CRY2: variants seen among roughly 807,000 people sequenced by gnomAD.
The protein encoded by CRY2 is cryptochrome circadian regulator 2.
A neutral mutation model predicts 69.5 loss-of-function variants in CRY2; 31 were observed. The observed-to-expected ratio is 0.45, with a 90% CI of 0.34 to 0.60. The LOEUF (loss-of-function observed/expected upper bound fraction) is 0.60. CRY2 is among the 20% of genes least tolerant of loss of function. The pLI is 0.02. For missense variants in CRY2, 606 were observed against 797.8 expected (o/e 0.76, Z 2.90); for synonymous variants, 303 against 312.2 (o/e 0.97, Z 0.31).
rs906200816 is a variant in CRY2, at chr11:45,882,768, T to C, written c.*1857T>C. ...AAACCTGGAAGGGCAAATCTGAGAGTGGGAAGGCCAAAGGCCGAGGCCCAG... is the reference window on the plus strand; with the variant it reads ...AAACCTGGAAGGGCAAATCTGAGAGCGGGAAGGCCAAAGGCCGAGGCCCAG... On this transcript the variant is annotated 3_prime_UTR_variant, in exon 12 of 12. Coordinates refer to ENST00000616080, the MANE Select transcript of CRY2 (RefSeq NM_021117.5). 1.8e-5 allele frequency: 7 copies of C among 398,340 alleles called. No homozygotes were observed. The highest frequency in any genetic ancestry group is 1.2e-4 in the African/African-American group (6 of 48,574). 24.7% of individuals were successfully genotyped at this position (398,340 alleles called of 1,614,324 possible). A position where few individuals can be genotyped will look rare whatever the true frequency, so the allele number is the denominator to read the frequency against.
intron 1 of CRY2, among the ~76,000 whole-genome samples, chr11:45,848,002 C>T (rs1429177311): frequency 6.6e-6 from 1 of 152,150 alleles, no homozygotes; most frequent in African/African-American, 2.4e-5. Flanking sequence ...GTCGACCTGC[C>T]CAAGGACTTG....
chr11:45,882,754 G>A lies in CRY2; in HGVS notation c.*1843G>A, dbSNP rs562073480. ...AAAGAGAGTCAAGCAAACCTGGAAG[G>A]GCAAATCTGAGAGTGGGAAGGCCAA... On this transcript the variant is annotated 3_prime_UTR_variant, in exon 12 of 12. Coordinates refer to ENST00000616080, the MANE Select transcript of CRY2 (RefSeq NM_021117.5). 7 of 398,720 alleles carry A rather than the reference G, an allele frequency of 1.8e-5. No individual in the cohort carries two copies. The South Asian group carries it at 8.9e-4, about 51-fold the overall frequency. 24.7% of individuals were successfully genotyped at this position (398,720 alleles called of 1,614,324 possible).
chr11:45,855,874 A>C, intron 1 of CRY2, 108 bp from the exon 2 acceptor site: 1 of 936,504 alleles, frequency 1.1e-6, no homozygotes, highest in Non-Finnish European at 1.7e-6. Flanking sequence ...AGTGATCATG[A>C]GGCTGCCTGT....
intron 4 of CRY2, 76 bp downstream of exon 4, chr11:45,861,108 A>C: frequency 6.8e-7 from 1 of 1,461,494 alleles, no homozygotes; most frequent in East Asian, 2.4e-5. Flanking sequence ...AAAGTAATGC[A>C]TGTCATTATA....
chr11:45,863,957 T>A (rs1327070720), intron 5 of CRY2, among the ~76,000 whole-genome samples: 2 of 152,178 alleles, frequency 1.3e-5, no homozygotes, highest in Non-Finnish European at 2.9e-5. Flanking sequence ...TCTATAAAAG[T>A]ATTCTGATTA....
At chr11:45,849,557 G>A (rs2086178476) in intron 1 of CRY2, among the ~76,000 whole-genome samples, 1 of 152,038 alleles carries the variant, frequency 6.6e-6, no homozygotes, top group Non-Finnish European at 1.5e-5. Context: ...CTCAATCTTG[G>A]CTGCTGTGCA....
intron 11 of CRY2, among the ~76,000 whole-genome samples, chr11:45,872,988 T>A (rs1181068654): frequency 6.6e-6 from 1 of 152,212 alleles, no homozygotes; most frequent in South Asian, 2.1e-4. Context: ...AGACCCAGTC[T>A]GTCATCATCT....
At chr11:45,872,069 C>G in intron 10 of CRY2, 23 bp from the exon 11 acceptor site, 1 of 1,613,332 alleles carries the variant, frequency 6.2e-7, no homozygotes, top group Non-Finnish European at 8.5e-7. Flanking sequence ...GTCTGTGTGA[C>G]CCTTTGACAC....
Position 45,872,242 on chromosome 11 carries a change from C to A in CRY2, c.*2+9C>A. 6.2e-7 allele frequency: 1 copy of A among 1,613,142 alleles called. No individual in the cohort carries two copies. The highest frequency in any genetic ancestry group is 8.5e-7 in the Non-Finnish European group (1 of 1,179,330). ...AGCAAGGATGCCTGAGAGTGAGTGA[C>A]AGCAGCCTAGATTCAACCTCAGGAA... is the stretch of plus-strand genomic sequence containing the variant. On this transcript the variant is annotated intron_variant, in intron 11 of 11. Coordinates refer to ENST00000616080, the MANE Select transcript of CRY2 (RefSeq NM_021117.5).
chr11:45,848,622 C>T (rs2086170989), intron 1 of CRY2, among the ~76,000 whole-genome samples: 1 of 152,206 alleles, frequency 6.6e-6, no homozygotes, highest in Non-Finnish European at 1.5e-5. Context: ...TGTATTTTCA[C>T]TGTAAACAGT....
At chr11:45,853,458 A>G (rs920744081) in intron 1 of CRY2, among the ~76,000 whole-genome samples, 5 of 152,326 alleles carry the variant, frequency 3.3e-5, no homozygotes, top group African/African-American at 1.2e-4. Flanking sequence ...CTCTCCTTTT[A>G]GTAAATGAGG....
At chr11:45,876,814 G>C (rs1010953417) in intron 11 of CRY2, among the ~76,000 whole-genome samples, 3 of 152,294 alleles carry the variant, frequency 2.0e-5, no homozygotes, top group East Asian at 1.9e-4. Context: ...CTAGCAATTG[G>C]TAAAATGCTA....
intron 2 of CRY2, 102 bp from the exon 3 acceptor site, chr11:45,858,629 G>A: frequency 7.9e-7 from 1 of 1,264,672 alleles, no homozygotes; most frequent in Non-Finnish European, 1.1e-6. Flanking sequence ...CATCAGATAG[G>A]TCTCTAGACT....
chr11:45,853,726 G>A (rs1264530335), intron 1 of CRY2, among the ~76,000 whole-genome samples: 1 of 152,212 alleles, frequency 6.6e-6, no homozygotes, highest in East Asian at 1.9e-4. Flanking sequence ...GGTTTCAGAT[G>A]GCATGAGACC....
chr11:45,851,032 T>C (rs1484120347), intron 1 of CRY2, among the ~76,000 whole-genome samples: 2 of 149,614 alleles, frequency 1.3e-5, no homozygotes. Context: ...CTCAGGACTT[T>C]TTTTTTTTTT....
chr11:45,865,708 G>A (rs575395077), intron 5 of CRY2, among the ~76,000 whole-genome samples: 8 of 151,450 alleles, frequency 5.3e-5, no homozygotes, highest in Middle Eastern at 3.4e-3. Flanking sequence ...ACAGTGAGCC[G>A]AGATCACACC....
Position 45,861,045 on chromosome 11 carries a change from T to C in CRY2, c.652+13T>C. 1 of 1,603,460 alleles carries C rather than the reference T, an allele frequency of 6.2e-7. No homozygotes were observed. On this transcript the variant is annotated intron_variant, in intron 4 of 11. Coordinates refer to ENST00000616080, the MANE Select transcript of CRY2 (RefSeq NM_021117.5). ...CTGGAGGAGCTGGGTGCGTACTTCC[T>C]GCCCAGAGCCACTTGTGCTGGTGCC...
At chr11:45,858,968 C>T in intron 3 of CRY2, 95 bp downstream of exon 3, 2 of 1,460,428 alleles carry the variant, frequency 1.4e-6, no homozygotes, top group Non-Finnish European at 1.9e-6. Context: ...AGCATTAGGG[C>T]TACCTGACCC....
intron 5 of CRY2, among the ~76,000 whole-genome samples, chr11:45,865,459 G>C (rs905766742): frequency 6.6e-6 from 1 of 152,200 alleles, no homozygotes; most frequent in African/African-American, 2.4e-5. Flanking sequence ...AAAGCTGGGG[G>C]CTAGCAAGGG....
Sources: allele counts gnomAD v4.1 joint callset (sites outside exome capture counted in the v4.1 genomes callset), GRCh38; gene constraint gnomAD v4.1.1; transcripts MANE v1.5; gene names NCBI Gene and HGNC (gene_info 2026-07-23, HGNC 2026-07-21).